The following CDH13 variants were observed in gnomAD, a reference collection of about 807,000 sequenced individuals.
CDH13 encodes the protein cadherin 13, also known as cadherin-13.
In CDH13, 24 loss-of-function variants were observed where a neutral mutation model predicts 63.8. The ratio of observed to expected loss-of-function variants is 0.38; its 90% CI spans 0.27 to 0.53. The LOEUF (loss-of-function observed/expected upper bound fraction) is 0.53. Ranked by LOEUF, CDH13 falls within the 20% of genes least tolerant of loss-of-function variation. The probability of loss-of-function intolerance (pLI) is 0.85; values close to 1 mark genes in which losing one functional copy is unlikely to be tolerated. For synonymous variants in CDH13, 503 were observed against 355.3 expected (o/e 1.42, Z -4.67); for missense variants, 1,049 against 903.1 (o/e 1.16, Z -2.07).
chr16:83,217,952 C>G (rs910942653), intron 5 of CDH13, among the ~76,000 whole-genome samples: 2 of 152,134 alleles, frequency 1.3e-5, no homozygotes, highest in Non-Finnish European at 2.9e-5. Context: ...GCAGTTTTCT[C>G]TAGCCATTTA....
chr16:82,861,129 C>T (rs571667729), intron 2 of CDH13, among the ~76,000 whole-genome samples: 26 of 152,278 alleles, frequency 1.7e-4, no homozygotes, highest in Admixed American at 1.4e-3. Context: ...ATTCCATTTC[C>T]TGAATCATTG....
intron 2 of CDH13, among the ~76,000 whole-genome samples, chr16:82,889,316 C>T (rs539352723): frequency 6.6e-6 from 1 of 152,186 alleles, no homozygotes; most frequent in Admixed American, 6.5e-5. Flanking sequence ...CTCTCTCTCT[C>T]TCTCTCTACC....
intron 8 of CDH13, chr16:83,655,078 C>G (rs1453825473): frequency 6.6e-6 from 1 of 152,216 alleles, no homozygotes; most frequent in Non-Finnish European, 1.5e-5. Context: ...TACTTGAGAT[C>G]CTGTCTGATT....
intron 1 of CDH13, among the ~76,000 whole-genome samples, chr16:82,695,350 C>T (rs531235230): frequency 1.3e-5 from 2 of 152,200 alleles, no homozygotes; most frequent in Non-Finnish European, 2.9e-5. Context: ...AATTCTGGAT[C>T]TCTTACTCAG....
intron 4 of CDH13, among the ~76,000 whole-genome samples, chr16:83,128,243 C>T (rs1328733696): frequency 6.6e-6 from 1 of 152,144 alleles, no homozygotes; most frequent in African/African-American, 2.4e-5. Context: ...TTCAGATATG[C>T]AGCCGAGGTG....
chr16:83,395,952 C>G (rs1050701931), intron 6 of CDH13, among the ~76,000 whole-genome samples: 7 of 152,172 alleles, frequency 4.6e-5, no homozygotes, highest in African/African-American at 1.4e-4. Flanking sequence ...TCTCCCTCCT[C>G]CCATCCTCCA....
chr16:83,318,418 T>C (rs2090150909), intron 5 of CDH13, among the ~76,000 whole-genome samples: 1 of 152,236 alleles, frequency 6.6e-6, no homozygotes, highest in African/African-American at 2.4e-5. Flanking sequence ...ATTATCTGTT[T>C]TTCTTCTTCT....
chr16:83,712,247 G>T (rs947629821), intron 10 of CDH13, among the ~76,000 whole-genome samples: 1 of 152,170 alleles, frequency 6.6e-6, no homozygotes, highest in African/African-American at 2.4e-5. Context: ...CCTTTTAAAA[G>T]GGCCTTGAAT....
chr16:83,590,239 AG>A (rs1906601947), intron 7 of CDH13, among the ~76,000 whole-genome samples: 1 of 152,122 alleles, frequency 6.6e-6, no homozygotes, highest in African/African-American at 2.4e-5. Context: ...AGAAGAAGGC[AG>A]GGGGACCAAC....
chr16:82,898,448 C>G (rs891204744), intron 2 of CDH13, among the ~76,000 whole-genome samples: 1 of 152,182 alleles, frequency 6.6e-6, no homozygotes, highest in African/African-American at 2.4e-5. Flanking sequence ...TTACTTGAAC[C>G]TGGGAGGCAG....
At chr16:83,647,093 G>A (rs561999544) in intron 8 of CDH13, among the ~76,000 whole-genome samples, 176 of 152,072 alleles carry the variant, frequency 1.2e-3, no homozygotes, top group African/African-American at 3.9e-3. Context: ...GGCGGATCAC[G>A]AGGTCAGGAG....
chr16:82,699,568 C>G (rs1299920936), intron 1 of CDH13, among the ~76,000 whole-genome samples: 4 of 152,212 alleles, frequency 2.6e-5, no homozygotes, highest in African/African-American at 9.7e-5. Flanking sequence ...TTCCTCTCCA[C>G]TAAGAACCTT....
intron 7 of CDH13, among the ~76,000 whole-genome samples, chr16:83,539,145 C>T (rs1347514735): frequency 6.6e-6 from 1 of 152,004 alleles, no homozygotes; most frequent in Non-Finnish European, 1.5e-5. Context: ...TTTCTTGGCA[C>T]CAGGGACCGG....
chr16:83,499,590 G>T (rs1365454204), intron 7 of CDH13, among the ~76,000 whole-genome samples: 3 of 152,202 alleles, frequency 2.0e-5, no homozygotes, highest in Non-Finnish European at 4.4e-5. Flanking sequence ...ATAATATGGA[G>T]AACAAATCCC....
rs146549577 is a variant in CDH13, at chr16:83,164,976, C to T, written c.483+39475C>T. Among the ~76,000 whole-genome samples, 500 of 151,576 alleles carry T rather than the reference C, an allele frequency of 3.3e-3. 5 individuals are homozygous for T. Among genetic ancestry groups the T allele is most frequent in the African/African-American group, 0.011 (469 of 41,306 alleles). On this transcript the variant is annotated intron_variant, in intron 4 of 13. Coordinates refer to ENST00000567109, the MANE Select transcript of CDH13 (RefSeq NM_001257.5). ...AACCATGGCAGAACTGGAGACAATC[C>T]AGGCAGCCTGGCTCCAAAACCTTGC...
chr16:82,876,375 A>G (rs2040503473), intron 2 of CDH13, among the ~76,000 whole-genome samples: 1 of 152,250 alleles, frequency 6.6e-6, no homozygotes, highest in Non-Finnish European at 1.5e-5. Context: ...CTTTGAATTG[A>G]CAAGTTAATG....
chr16:83,387,366 A>T (rs1214367989), intron 6 of CDH13, among the ~76,000 whole-genome samples: 1 of 152,102 alleles, frequency 6.6e-6, no homozygotes, highest in African/African-American at 2.4e-5. Flanking sequence ...GCTCACTTCT[A>T]GTTGTTTACT....
chr16:83,301,025 G>GTTTTTT (rs3052591), intron 5 of CDH13, among the ~76,000 whole-genome samples: 2,054 of 78,720 alleles, frequency 0.026, 203 homozygotes, highest in African/African-American at 0.052. Flanking sequence ...ACTTTCTGGG[G>GTTTTTT]TTTTTTTTTT....
chr16:82,717,169 C>G (rs2151015927), intron 1 of CDH13, among the ~76,000 whole-genome samples: 1 of 152,218 alleles, frequency 6.6e-6, no homozygotes. Flanking sequence ...GGCTGGTCCT[C>G]CTGAGCCCTG....
Sources: gnomAD v4.1 joint callset for allele counts (sites outside exome capture counted in the v4.1 genomes callset) on GRCh38, gnomAD v4.1.1 for gene constraint, MANE v1.5 for transcripts, NCBI Gene and HGNC (gene_info 2026-07-23, HGNC 2026-07-21) for gene names.